The following HHLA2 variants were observed in gnomAD, a reference collection of about 807,000 sequenced individuals.
HHLA2 encodes HHLA2 member of B7 family, also known as HERV-H LTR-associating protein 2.
Under a neutral mutation model 45.9 loss-of-function variants are expected in HHLA2, and 48 were observed. The ratio of observed to expected loss-of-function variants is 1.05; its 90% CI spans 0.83 to 1.33. The LOEUF (loss-of-function observed/expected upper bound fraction) is 1.33, where lower values mean the gene tolerates loss of function less well. Among genes scored for constraint, HHLA2 ranks in the 40% most tolerant of loss-of-function variants. The probability of loss-of-function intolerance (pLI) is 0.00; values close to 1 mark genes in which losing one functional copy is unlikely to be tolerated. For missense variants in HHLA2, 462 were observed against 494.3 expected (o/e 0.93, Z 0.62); for synonymous variants, 161 against 173.9 (o/e 0.93, Z 0.59).
intron 3 of HHLA2, among the ~76,000 whole-genome samples, chr3:108,348,920 G>A (rs1044923885): frequency 6.6e-6 from 1 of 151,848 alleles, no homozygotes; most frequent in Non-Finnish European, 1.5e-5. Context: ...AGTTTCCTGA[G>A]AATGATGGTT....
chr3:108,352,105 C>A (rs910532706), intron 4 of HHLA2, among the ~76,000 whole-genome samples: 1 of 151,374 alleles, frequency 6.6e-6, no homozygotes, highest in Non-Finnish European at 1.5e-5. Flanking sequence ...TTGTCTGCTA[C>A]CAGAAGTAAG....
rs1377823633 is a variant in HHLA2, at chr3:108,314,482, T to C, written c.-105+3741T>C. Among the ~76,000 whole-genome samples the C allele has an allele frequency of 3.3e-5, 5 of 152,138 alleles. No individual in the cohort carries two copies. The South Asian group carries it at 8.3e-4, about 25-fold the overall frequency. On this transcript the variant is annotated intron_variant, in intron 2 of 10. Transcript: ENST00000619531. ...ATTTTTAAATAGGATAAGAATATTG[T>C]TGGGCAGTGAGGAAGATTGGCAGGG...
chr3:108,342,104 A>G (rs1373825501), intron 3 of HHLA2, among the ~76,000 whole-genome samples: 1 of 152,202 alleles, frequency 6.6e-6, no homozygotes, highest in Non-Finnish European at 1.5e-5. Context: ...AGCTTGACAG[A>G]GGAGTTGTTA....
At chr3:108,359,086 C>G (rs1349106465) in intron 7 of HHLA2, among the ~76,000 whole-genome samples, 1 of 151,696 alleles carries the variant, frequency 6.6e-6, no homozygotes, top group African/African-American at 2.4e-5. Context: ...CTATTTTTCT[C>G]CAAAAATAAA....
Position 108,358,124 on chromosome 3 carries a change from TG to T in HHLA2, c.967del (p.Glu323AsnfsTer12). The T allele has an allele frequency of 6.2e-7, 1 of 1,612,734 alleles. No homozygotes were observed. Among genetic ancestry groups the T allele is most frequent in the Non-Finnish European group, 8.5e-7 (1 of 1,179,178 alleles). On this transcript the variant is annotated frameshift_variant, in exon 7 of 11. Transcript: ENST00000619531. LOFTEE classifies it high-confidence loss of function. ...AATATTTATGCAATATTTCTTCGGA[TG>T]AATATACTTTACTTACCATCCACAC...
intron 3 of HHLA2, among the ~76,000 whole-genome samples, chr3:108,347,105 A>G (rs549933103): frequency 6.6e-6 from 1 of 152,300 alleles, no homozygotes; most frequent in East Asian, 1.9e-4. Flanking sequence ...GTATAATCTA[A>G]GGTGGAAGCT....
intron 1 of HHLA2, among the ~76,000 whole-genome samples, chr3:108,307,497 G>A (rs1214652857): frequency 6.6e-6 from 1 of 152,042 alleles, no homozygotes; most frequent in African/African-American, 2.4e-5. Flanking sequence ...AGCCAGGCCT[G>A]GTGGCAGGTG....
At position 108,376,662 on chromosome 3, in the gene HHLA2, A is replaced by T. The variant is rs1002455260; in HGVS notation, c.1224+105A>T. 25 of 990,558 alleles carry T rather than the reference A, an allele frequency of 2.5e-5. No homozygotes were observed. The African/African-American group carries it at 2.8e-4, about 11-fold the overall frequency. The allele number at this position is 990,558 out of a possible 1,614,324, so 61.4% of individuals were successfully genotyped here. ...TCACATATCATCAAGCAAGACTTTT[A>T]TACAGAAAAAAACAGCAGCAGGGGT... On this transcript the variant is annotated intron_variant, in intron 10 of 10. Transcript: ENST00000619531.
chr3:108,338,311 T>C (rs1388109954), intron 3 of HHLA2, among the ~76,000 whole-genome samples: 1 of 152,086 alleles, frequency 6.6e-6, no homozygotes, highest in Non-Finnish European at 1.5e-5. Flanking sequence ...GAGGTGTCAG[T>C]ACACTTTTAT....
intron 2 of HHLA2, among the ~76,000 whole-genome samples, chr3:108,316,201 A>C (rs1035298401): frequency 2.0e-5 from 3 of 152,196 alleles, no homozygotes; most frequent in African/African-American, 4.8e-5. Context: ...TCTTGGAAAC[A>C]GGGCAAAGTG....
Position 108,362,345 on chromosome 3 carries a change from C to G in HHLA2, c.1007C>G (p.Pro336Arg). ...TGTTTCTCCTTTTTTTTTTTAGAAC[C>G]GAGCCAAGAAACAGCTTCCCATAAC... is the stretch of plus-strand genomic sequence containing the variant. Residue 336 changes from proline to arginine, a missense_variant, in exon 8 of 11, where the codon CCG becomes CGG. By Grantham distance (103) the Pro-to-Arg change is moderately radical. Around this residue, in one of 3 missense-constraint regions of HHLA2, gnomAD observed 123 missense variants for 110.5 expected, o/e 1.11. Transcript: ENST00000619531. The G allele has an allele frequency of 3.1e-6, 5 of 1,604,558 alleles. No individual in the cohort carries two copies. In the South Asian group the frequency reaches 5.6e-5, roughly 18 times the overall value.
chr3:108,341,448 C>T (rs916418469), intron 3 of HHLA2, among the ~76,000 whole-genome samples: 3 of 152,130 alleles, frequency 2.0e-5, no homozygotes, highest in Admixed American at 6.5e-5. Flanking sequence ...TCATAACTAA[C>T]GTTTGTTTTA....
At chr3:108,369,721 C>T (rs1276832322) in intron 8 of HHLA2, among the ~76,000 whole-genome samples, 3 of 152,230 alleles carry the variant, frequency 2.0e-5, no homozygotes, top group African/African-American at 7.2e-5. Flanking sequence ...ATTGCTAGCA[C>T]AGCAGTCTGA....
intron 10 of HHLA2, chr3:108,376,835 G>T: frequency 5.4e-6 from 2 of 372,442 alleles, no homozygotes; most frequent in South Asian, 4.0e-5. Flanking sequence ...TGCATATGAG[G>T]GTGAGCCAAT....
chr3:108,305,007 TTCTG>T (rs1158963966), intron 1 of HHLA2, among the ~76,000 whole-genome samples: 4 of 152,238 alleles, frequency 2.6e-5, no homozygotes, highest in African/African-American at 9.6e-5. Context: ...CCATTGAAGA[TTCTG>T]TCTGTTTTTA....
intron 8 of HHLA2, among the ~76,000 whole-genome samples, chr3:108,369,466 C>T (rs985411218): frequency 3.9e-5 from 6 of 152,050 alleles, no homozygotes; most frequent in Non-Finnish European, 5.9e-5. Context: ...ACAGTGGGTG[C>T]AGGACAGTGG....
At chr3:108,305,543 C>T (rs2080915643) in intron 1 of HHLA2, among the ~76,000 whole-genome samples, 1 of 152,174 alleles carries the variant, frequency 6.6e-6, no homozygotes, top group Admixed American at 6.5e-5. Context: ...ATGTCATCAT[C>T]TAGTCCCTTT....
intron 2 of HHLA2, among the ~76,000 whole-genome samples, chr3:108,321,325 C>A (rs540335699): frequency 6.6e-6 from 1 of 152,242 alleles, no homozygotes; most frequent in South Asian, 2.1e-4. Context: ...TTTGGTGGAG[C>A]ACATTTTCCC....
intron 1 of HHLA2, among the ~76,000 whole-genome samples, chr3:108,298,091 C>T (rs1030643322): frequency 6.6e-6 from 1 of 152,164 alleles, no homozygotes; most frequent in Non-Finnish European, 1.5e-5. Context: ...AATGAATACC[C>T]CTTTTCCAAG....
Sources: gnomAD v4.1 joint callset for allele counts (sites outside exome capture counted in the v4.1 genomes callset) on GRCh38, gnomAD v4.1.1 for gene constraint, gnomAD v4.1.1 regional missense constraint, MANE v1.5 for transcripts, NCBI Gene and HGNC (gene_info 2026-07-23, HGNC 2026-07-21) for gene names.